Variants in NRXN3 observed in about 807,000 individuals in gnomAD.
NRXN3 encodes the protein neurexin III.
A neutral mutation model predicts 137.6 loss-of-function variants in NRXN3; 32 were observed. The ratio of observed to expected loss-of-function variants is 0.23; its 90% CI spans 0.18 to 0.31. NRXN3 has a LOEUF of 0.31. NRXN3 is among the 10% of genes least tolerant of loss of function. The pLI is 1.00. For synonymous variants in NRXN3, 798 were observed against 784.5 expected (o/e 1.02, Z -0.29); for missense variants, 1,574 against 2,062.5 (o/e 0.76, Z 4.59).
intron 17 of NRXN3, among the ~76,000 whole-genome samples, chr14:79,690,243 G>T (rs766867453): frequency 6.6e-6 from 1 of 151,992 alleles, no homozygotes; most frequent in African/African-American, 2.4e-5. Context: ...CTATGAAAAC[G>T]TCTAAAAAGT....
At chr14:79,446,002 A>C (rs550189892) in intron 15 of NRXN3, among the ~76,000 whole-genome samples, 1 of 152,192 alleles carries the variant, frequency 6.6e-6, no homozygotes, top group Admixed American at 6.5e-5. Flanking sequence ...TTGATTTAAC[A>C]ATATTAAATG....
chr14:79,862,524 C>T lies in NRXN3; in HGVS notation c.*560C>T, dbSNP rs1410805676. 1 of 150,988 alleles carries T rather than the reference C, an allele frequency of 6.6e-6. No homozygotes were observed. The highest frequency in any genetic ancestry group is 1.9e-4 in the East Asian group (1 of 5,160). The allele number at this position is 150,988 out of a possible 1,614,324, so 9.4% of individuals were successfully genotyped here. A position where few individuals can be genotyped will look rare whatever the true frequency, so the allele number is the denominator to read the frequency against. On this transcript the variant is annotated 3_prime_UTR_variant, in exon 21 of 21. Transcript: ENST00000335750. Reference sequence around the variant, plus strand: ...ACCCACAACCCTTATCTGGTTCTGACCAGTGTGCGTGTAACTTTATGATCT... The same window carrying T: ...ACCCACAACCCTTATCTGGTTCTGATCAGTGTGCGTGTAACTTTATGATCT...
chr14:78,584,340 G>A (rs1344499498), intron 4 of NRXN3, among the ~76,000 whole-genome samples: 1 of 152,156 alleles, frequency 6.6e-6, no homozygotes, highest in African/African-American at 2.4e-5. Flanking sequence ...CTTTTCTTGT[G>A]ATGATCCTCC....
chr14:78,787,730 C>T (rs79973439), intron 8 of NRXN3, among the ~76,000 whole-genome samples: 5,229 of 152,220 alleles, frequency 0.034, 255 homozygotes, highest in Admixed American at 0.15. Flanking sequence ...AGATGAAAAG[C>T]ATAACTGGAC....
chr14:78,520,648 A>T (rs1310281342), intron 4 of NRXN3, among the ~76,000 whole-genome samples: 2 of 152,220 alleles, frequency 1.3e-5, no homozygotes, highest in African/African-American at 4.8e-5. Flanking sequence ...AAGCCTCAGT[A>T]TCCTTATTTG....
intron 3 of NRXN3, among the ~76,000 whole-genome samples, chr14:78,289,437 T>C (rs2153515957): frequency 6.6e-6 from 1 of 152,328 alleles, no homozygotes; most frequent in African/African-American, 2.4e-5. Flanking sequence ...TTGGAGATCA[T>C]CAGAATTCAT....
intron 4 of NRXN3, among the ~76,000 whole-genome samples, chr14:78,609,292 A>G (rs1415798507): frequency 1.4e-5 from 2 of 142,616 alleles, no homozygotes; most frequent in South Asian, 2.1e-4. Context: ...AACCTCCATG[A>G]AAAAAAAAAG....
chr14:79,470,129 G>A (rs542105699), intron 16 of NRXN3, among the ~76,000 whole-genome samples: 5 of 152,234 alleles, frequency 3.3e-5, no homozygotes, highest in African/African-American at 1.2e-4. Flanking sequence ...AAGTGGAAGG[G>A]ATTGAGCATA....
intron 8 of NRXN3, among the ~76,000 whole-genome samples, chr14:78,789,086 A>G (rs2098797755): frequency 6.6e-6 from 1 of 152,228 alleles, no homozygotes; most frequent in South Asian, 2.1e-4. Flanking sequence ...TTTGCACAAT[A>G]AAGCAATGGC....
rs907196363 is a variant in NRXN3, at chr14:79,158,890, A to T, written c.3262+170749A>T. Among the ~76,000 whole-genome samples, 9 of 151,926 alleles carry T rather than the reference A, an allele frequency of 5.9e-5. No individual in the cohort carries two copies. The East Asian group carries it at 1.6e-3, about 26-fold the overall frequency. Reference sequence around the variant, plus strand: ...AAGATTAGGAAACAAAGTTAGGAGGAGCAAAATCAGGGCTGCAAGATGGTT... The same window carrying T: ...AAGATTAGGAAACAAAGTTAGGAGGTGCAAAATCAGGGCTGCAAGATGGTT... On this transcript the variant is annotated intron_variant, in intron 15 of 20. Coordinates refer to ENST00000335750, the MANE Select transcript of NRXN3 (RefSeq NM_001330195.2).
At chr14:78,672,761 A>G (rs1387504770) in intron 6 of NRXN3, among the ~76,000 whole-genome samples, 4 of 152,192 alleles carry the variant, frequency 2.6e-5, no homozygotes, top group African/African-American at 7.2e-5. Context: ...GAAGTTGCCA[A>G]TGCCTTCTTC....
chr14:79,596,586 C>G (rs1567611689), intron 16 of NRXN3, among the ~76,000 whole-genome samples: 1 of 151,148 alleles, frequency 6.6e-6, no homozygotes, highest in African/African-American at 2.4e-5. Flanking sequence ...CAGGAGCACT[C>G]TCTCTTACAG....
intron 15 of NRXN3, among the ~76,000 whole-genome samples, chr14:79,162,426 A>G (rs907177935): frequency 2.0e-5 from 3 of 151,760 alleles, no homozygotes; most frequent in African/African-American, 7.3e-5. Flanking sequence ...GTTTACTGAG[A>G]ATGATGATTT....
At chr14:79,281,663 G>A (rs1311523725) in intron 15 of NRXN3, 1 of 152,028 alleles carries the variant, frequency 6.6e-6, no homozygotes, top group Non-Finnish European at 1.5e-5. Flanking sequence ...GTGTGGTAAT[G>A]GTCAGGGAAA....
intron 15 of NRXN3, among the ~76,000 whole-genome samples, chr14:79,359,572 T>A (rs914355145): frequency 5.0e-3 from 6 of 1,202 alleles, no homozygotes; most frequent in African/African-American, 0.028. Context: ...CATTTAGTCT[T>A]TTTTTTTTTT....
chr14:78,554,902 A>G (rs2096724204), intron 4 of NRXN3, among the ~76,000 whole-genome samples: 1 of 152,108 alleles, frequency 6.6e-6, no homozygotes, highest in Non-Finnish European at 1.5e-5. Context: ...TGTCCTAGCC[A>G]TCCACCAAGC....
chr14:79,673,665 C>A (rs925953597), intron 17 of NRXN3, among the ~76,000 whole-genome samples: 1 of 152,058 alleles, frequency 6.6e-6, no homozygotes, highest in African/African-American at 2.4e-5. Flanking sequence ...AACATTTGTT[C>A]CACATCTACT....
intron 19 of NRXN3, among the ~76,000 whole-genome samples, chr14:79,757,368 TG>T (rs1349518861): frequency 6.6e-6 from 1 of 152,188 alleles, no homozygotes; most frequent in African/African-American, 2.4e-5. Context: ...ATCGTCCTGA[TG>T]ATGGTCCCGT....
At chr14:79,511,948 G>A (rs779065654) in intron 16 of NRXN3, among the ~76,000 whole-genome samples, 1 of 152,206 alleles carries the variant, frequency 6.6e-6, no homozygotes, top group Non-Finnish European at 1.5e-5. Flanking sequence ...TGCCCAGGCT[G>A]GAGTGCAATG....
Sources: gnomAD v4.1 joint callset for allele counts (sites outside exome capture counted in the v4.1 genomes callset) on GRCh38, gnomAD v4.1.1 for gene constraint, MANE v1.5 for transcripts, NCBI Gene and HGNC (gene_info 2026-07-23, HGNC 2026-07-21) for gene names.